LUZP2: variants seen among roughly 807,000 people sequenced by gnomAD.
LUZP2 encodes leucine zipper protein 2.
A neutral mutation model predicts 51.6 loss-of-function variants in LUZP2; 52 were observed. That is an observed-to-expected ratio of 1.01 (90% CI 0.81 to 1.27). LUZP2 has a LOEUF of 1.27. LUZP2 is among the 50% of genes most tolerant of loss of function. LUZP2 has a pLI of 0.00. For synonymous variants in LUZP2, 154 were observed against 137.3 expected, an observed-to-expected ratio of 1.12 and a Z score of -0.85; for missense variants, 436 against 395.4, an observed-to-expected ratio of 1.10 and a Z score of -0.87.
intron 5 of LUZP2, among the ~76,000 whole-genome samples, chr11:24,825,266 A>T (rs1170588736): frequency 6.6e-6 from 1 of 152,228 alleles, no homozygotes; most frequent in Non-Finnish European, 1.5e-5. Context: ...TTCTTACTCA[A>T]TTAAATGAAA....
intron 2 of LUZP2, 122 bp from the exon 3 acceptor site, chr11:24,731,996 C>T: frequency 1.5e-6 from 1 of 661,524 alleles, no homozygotes; most frequent in South Asian, 2.1e-5. Flanking sequence ...CCATCATAGA[C>T]TCATTTTTAA....
intron 1 of LUZP2, among the ~76,000 whole-genome samples, chr11:24,622,854 T>C (rs1413280761): frequency 6.6e-6 from 1 of 152,208 alleles, no homozygotes; most frequent in Admixed American, 6.5e-5. Flanking sequence ...TTTACAAAAC[T>C]GCCCATCTCT....
intron 9 of LUZP2, among the ~76,000 whole-genome samples, chr11:25,038,373 A>AG (rs1857930438): frequency 6.6e-6 from 1 of 152,210 alleles, no homozygotes; most frequent in East Asian, 1.9e-4. Context: ...CCTTAAGCTC[A>AG]TGGCCCATAG....
intron 9 of LUZP2, among the ~76,000 whole-genome samples, chr11:25,002,107 A>G (rs1856699527): frequency 6.6e-6 from 1 of 152,192 alleles, no homozygotes; most frequent in South Asian, 2.1e-4. Context: ...CATACTTTCT[A>G]TCTGTATACA....
intron 1 of LUZP2, among the ~76,000 whole-genome samples, chr11:24,581,107 T>A (rs7935768): frequency 0.4 from 59,681 of 150,534 alleles, 12,033 homozygotes; most frequent in Middle Eastern, 0.52. Context: ...GCAAGTTAGA[T>A]CCCTGTATAT....
intron 7 of LUZP2, among the ~76,000 whole-genome samples, chr11:24,923,140 G>A (rs921171282): frequency 5.9e-5 from 9 of 151,698 alleles, no homozygotes; most frequent in African/African-American, 1.5e-4. Context: ...GAGCCACCGC[G>A]CCCGGCCAGC....
At chr11:24,564,516 A>G (rs1043586634) in intron 1 of LUZP2, among the ~76,000 whole-genome samples, 3 of 152,178 alleles carry the variant, frequency 2.0e-5, no homozygotes, top group Non-Finnish European at 4.4e-5. Context: ...TGATATTTTC[A>G]GGCATATTTT....
chr11:24,766,377 G>A lies in LUZP2; in HGVS notation c.396+3069G>A, dbSNP rs544418569. On this transcript the variant is annotated intron_variant, in intron 5 of 11. Transcript: ENST00000336930. ...TTTGTTTTTCTTTCCAATATGTTGAGTTTTGAAGCATTCAGGCAAAAGACT... is the reference window on the plus strand; with the variant it reads ...TTTGTTTTTCTTTCCAATATGTTGAATTTTGAAGCATTCAGGCAAAAGACT... Among the ~76,000 whole-genome samples the A allele has an allele frequency of 2.0e-5, 3 of 152,214 alleles. No homozygotes were observed. The South Asian group carries it at 6.2e-4, about 32-fold the overall frequency.
At chr11:24,614,168 A>T (rs1423496441) in intron 1 of LUZP2, among the ~76,000 whole-genome samples, 5 of 151,952 alleles carry the variant, frequency 3.3e-5, no homozygotes, top group African/African-American at 1.2e-4. Context: ...AAAATAGCTA[A>T]TATACAGCTG....
chr11:24,987,291 A>G (rs1856214901), intron 9 of LUZP2, among the ~76,000 whole-genome samples: 2 of 151,968 alleles, frequency 1.3e-5, no homozygotes, highest in South Asian at 4.1e-4. Context: ...AAGTGTTAGA[A>G]TACATTAATT....
intron 5 of LUZP2, among the ~76,000 whole-genome samples, chr11:24,820,307 C>CA (rs1850320620): frequency 6.6e-6 from 1 of 152,120 alleles, no homozygotes; most frequent in Admixed American, 6.6e-5. Context: ...GCATGTTTGA[C>CA]ACTATGGGCA....
intron 1 of LUZP2, among the ~76,000 whole-genome samples, chr11:24,698,783 G>A (rs1157214942): frequency 6.6e-6 from 1 of 151,938 alleles, no homozygotes; most frequent in African/African-American, 2.4e-5. Flanking sequence ...AGTTATCCAG[G>A]CCAGGCTCAC....
chr11:24,748,372 C>T (rs553618867), intron 4 of LUZP2, among the ~76,000 whole-genome samples: 34 of 152,210 alleles, frequency 2.2e-4, no homozygotes, highest in South Asian at 1.5e-3. Context: ...CCCAATTCCA[C>T]GGTTTGGGTA....
At chr11:24,818,339 A>G (rs1270932551) in intron 5 of LUZP2, among the ~76,000 whole-genome samples, 1 of 152,118 alleles carries the variant, frequency 6.6e-6, no homozygotes, top group Non-Finnish European at 1.5e-5. Context: ...TTATTAGCCC[A>G]GTTGAAAACT....
chr11:24,554,033 G>A (rs541537073), intron 1 of LUZP2, among the ~76,000 whole-genome samples: 4 of 152,264 alleles, frequency 2.6e-5, no homozygotes, highest in African/African-American at 4.8e-5. Context: ...TCTCTGCTGC[G>A]CTGAAGACTG....
At chr11:24,595,951 A>T (rs1022211109) in intron 1 of LUZP2, among the ~76,000 whole-genome samples, 5 of 152,186 alleles carry the variant, frequency 3.3e-5, no homozygotes, top group African/African-American at 1.2e-4. Flanking sequence ...TTAGTAACAT[A>T]TTTATCTCAG....
intron 5 of LUZP2, among the ~76,000 whole-genome samples, chr11:24,792,196 A>T (rs1188850188): frequency 6.6e-6 from 1 of 152,020 alleles, no homozygotes; most frequent in Non-Finnish European, 1.5e-5. Context: ...TGGGAGGTGG[A>T]GGCAGGCGGG....
chr11:24,630,633 G>A (rs1451065524), intron 1 of LUZP2, among the ~76,000 whole-genome samples: 1 of 148,016 alleles, frequency 6.8e-6, no homozygotes, highest in Non-Finnish European at 1.5e-5. Context: ...GGTGCCTCCA[G>A]CTTTGTTCTC....
chr11:24,662,100 A>G lies in LUZP2; in HGVS notation c.63-67069A>G, dbSNP rs1473239835. On this transcript the variant is annotated intron_variant, in intron 1 of 11. Transcript: ENST00000336930. ...AAGCAGAAAACCAACCATCACCAAC[A>G]ATTTCTGGGAAATTAAAATGAAAAT... is the stretch of plus-strand genomic sequence containing the variant. Among the ~76,000 whole-genome samples, 3 of 152,214 alleles carry G rather than the reference A, an allele frequency of 2.0e-5. No individual in the cohort carries two copies. The East Asian group carries it at 5.8e-4, about 29-fold the overall frequency.
Sources: allele counts gnomAD v4.1 joint callset (sites outside exome capture counted in the v4.1 genomes callset), GRCh38; gene constraint gnomAD v4.1.1; transcripts MANE v1.5; gene names NCBI Gene and HGNC (gene_info 2026-07-23, HGNC 2026-07-21).